Variants in NCOA4 observed in about 807,000 individuals in gnomAD.
NCOA4 encodes 70 kDa AR-activator.
Under a neutral mutation model 69.5 loss-of-function variants are expected in NCOA4, and 31 were observed. The ratio of observed to expected loss-of-function variants is 0.45; its 90% CI spans 0.34 to 0.60. The LOEUF (loss-of-function observed/expected upper bound fraction) is 0.60. NCOA4 is among the 20% of genes least tolerant of loss of function. The pLI, the probability that NCOA4 is intolerant of heterozygous loss-of-function variation, is 0.02. For synonymous variants in NCOA4, 228 were observed against 252.4 expected, an observed-to-expected ratio of 0.90 and a Z score of 0.92; for missense variants, 600 against 719.2, an observed-to-expected ratio of 0.83 and a Z score of 1.90.
In NCOA4 at chr10:46,006,507, A is replaced by G. The variant is rs1838816919; in HGVS notation, c.*85T>C. ...ACTAAGCTAATTGGTCAGACCCAGA[A>G]ACACAAAGATTTGGCAAGCTGCAGT... On this transcript the variant is annotated 3_prime_UTR_variant, in exon 10 of 10. Coordinates refer to ENST00000581486, the MANE Select transcript of NCOA4 (RefSeq NM_001145263.2). The G allele has an allele frequency of 7.2e-6, 11 of 1,518,120 alleles. No individual in the cohort carries two copies. In the South Asian group the frequency reaches 1.2e-4, roughly 17 times the overall value. 94.0% of individuals were successfully genotyped at this position (1,518,120 alleles called of 1,614,324 possible). A position where few individuals can be genotyped will look rare whatever the true frequency, so the allele number is the denominator to read the frequency against.
intron 7 of NCOA4, among the ~76,000 whole-genome samples, chr10:46,011,999 T>G (rs1554921749): frequency 7.5e-6 from 1 of 132,932 alleles, no homozygotes; most frequent in African/African-American, 2.9e-5. Flanking sequence ...GGACGGAGCT[T>G]GCAGTGAGCC....
Position 46,012,070 on chromosome 10 carries a change from GAAAAAAAAAAAAAAAAA to G in NCOA4, c.714+796_714+812del, listed in dbSNP as rs71026286. Among the ~76,000 whole-genome samples the G allele has an allele frequency of 8.5e-3, 377 of 44,554 alleles. 1 individual carries two copies. The highest frequency in any genetic ancestry group is 0.027 in the African/African-American group (345 of 12,990). 29.2% of individuals were successfully genotyped at this position (44,554 alleles called of 152,430 possible). A position where few individuals can be genotyped will look rare whatever the true frequency, so the allele number is the denominator to read the frequency against. On this transcript the variant is annotated intron_variant, in intron 7 of 9. Transcript: ENST00000581486. Reference sequence around the variant, plus strand: ...AGCAAGACTCGGTCTCAAAAAGAAAGAAAAAAAAAAAAAAAAAAAAAAAAAAAAAAAAACGAAAAAAG... The same window carrying G: ...AGCAAGACTCGGTCTCAAAAAGAAAGAAAAAAAAAAAAAAAACGAAAAAAG...
intron 1 of NCOA4, among the ~76,000 whole-genome samples, chr10:46,023,745 C>T (rs1348431025): frequency 6.6e-6 from 1 of 152,236 alleles, no homozygotes; most frequent in African/African-American, 2.4e-5. Context: ...TATATATGAA[C>T]TATAATGAAT....
At chr10:46,016,488 T>C in intron 2 of NCOA4, 52 bp downstream of exon 2, 1 of 1,367,076 alleles carries the variant, frequency 7.3e-7, no homozygotes, top group East Asian at 2.6e-5. Context: ...CATGCTCAAA[T>C]CAGCCCTGTG....
intron 1 of NCOA4, among the ~76,000 whole-genome samples, chr10:46,028,311 C>T (rs1385812030): frequency 6.6e-6 from 1 of 152,126 alleles, no homozygotes; most frequent in Admixed American, 6.5e-5. Context: ...ACGTAGCAAC[C>T]ATTTATTTTC....
rs1839154847 is a variant in NCOA4 at position 46,010,702 on chromosome 10, T to G, written c.1219A>C (p.Asn407His). 6.2e-7 allele frequency: 1 copy of G among 1,613,954 alleles called. No individual in the cohort carries two copies. The highest frequency in any genetic ancestry group is 1.7e-5 in the Admixed American group (1 of 59,994). Residue 407 changes from asparagine to histidine, a missense_variant, in exon 8 of 10, where the codon AAT becomes CAT. By Grantham distance (68) the Asn-to-His change is moderately conservative. Transcript: ENST00000581486. ...TCTGCAAAGCTTGTGCAGGGCTCAT[T>G]GGCTCTGCACACCTCCTCTACCTTA... Reference protein sequence around the residue: ...PCKVEEVCRANEPCTSFAECV... With the variant: ...PCKVEEVCRAHEPCTSFAECV...
chr10:46,005,890 T>C lies in NCOA4; in HGVS notation c.*702A>G, dbSNP rs1287013414. The C allele has an allele frequency of 4.8e-6, 1 of 207,626 alleles. No individual in the cohort carries two copies. The highest frequency in any genetic ancestry group is 9.8e-6 in the Non-Finnish European group (1 of 101,844). The allele number at this position is 207,626 out of a possible 1,614,324, so 12.9% of individuals were successfully genotyped here. On this transcript the variant is annotated 3_prime_UTR_variant, in exon 10 of 10. Transcript: ENST00000581486. Reference sequence around the variant, plus strand: ...TAAAAGGCTAGAATTACCTCAAAAATAGTCTTGAAATAATACTGAGTCCTT... The same window carrying C: ...TAAAAGGCTAGAATTACCTCAAAAACAGTCTTGAAATAATACTGAGTCCTT...
intron 7 of NCOA4, 75 bp from the exon 8 acceptor site, chr10:46,011,281 T>C: frequency 6.9e-7 from 1 of 1,439,114 alleles, no homozygotes; most frequent in South Asian, 1.4e-5. Flanking sequence ...GCACTTTTTC[T>C]TTTTTTGAGA....
chr10:46,027,268 C>CAAAAAAAAAAAAAAAAAAAAAAAAAAA (rs34282889), intron 1 of NCOA4, among the ~76,000 whole-genome samples: 1 of 79,708 alleles, frequency 1.3e-5, no homozygotes, highest in Non-Finnish European at 2.5e-5. Context: ...GACTCCGTCT[C>CAAAAAAAAAAAAAAAAAAAAAAAAAAA]AAAAAAAAAA....
chr10:46,029,318 A>G (rs1840331125), intron 1 of NCOA4, among the ~76,000 whole-genome samples: 1 of 152,246 alleles, frequency 6.6e-6, no homozygotes, highest in Non-Finnish European at 1.5e-5. Flanking sequence ...TGGACTTTAC[A>G]TACATAATCT....
In NCOA4 at chr10:46,010,261, A is replaced by C; in HGVS notation, c.1660T>G (p.Ser554Ala). 2 of 1,612,890 alleles carry C rather than the reference A, an allele frequency of 1.2e-6. No homozygotes were observed. The highest frequency in any genetic ancestry group is 1.7e-6 in the Non-Finnish European group (2 of 1,179,620). The change falls in exon 8 of 10, where the codon TCT (serine) becomes GCT (alanine). Residue 554 changes from serine to alanine, a missense_variant. Physicochemically the swap from Ser to Ala is moderately conservative, Grantham distance 99 (BLOSUM62 1). Transcript: ENST00000581486. ...KKMGNLSQLS[S>A]GEDKWLLRKK... ...CGAAGCAGCCACTTGTCTTCTCCAG[A>C]AGATAACTGGCTGAGGTTGCCCATC... is the stretch of plus-strand genomic sequence containing the variant.
rs1554922889 is a variant in NCOA4 at position 46,015,196 on chromosome 10, T to C, written c.212A>G (p.Tyr71Cys). The change falls in exon 3 of 10, where the codon TAT becomes TGT. Residue 71 changes from tyrosine (Y) to cysteine (C), a missense_variant. Transcript: ENST00000581486. Reference sequence around the variant, plus strand: ...CTGATAAATAAGGTCCACCTGTTCATACAGCCATACCTCACGGCTTCTAAG... The same window carrying C: ...CTGATAAATAAGGTCCACCTGTTCACACAGCCATACCTCACGGCTTCTAAG... The part of the protein sequence containing the change: ...ECLRSREVWL[Y>C]EQVDLIYQLK... The C allele has an allele frequency of 2.5e-6, 4 of 1,614,132 alleles. No homozygotes were observed. The highest frequency in any genetic ancestry group is 1.7e-4 in the Middle Eastern group (1 of 6,060).
intron 1 of NCOA4, among the ~76,000 whole-genome samples, chr10:46,023,052 A>T (rs1223946938): frequency 6.6e-6 from 1 of 152,244 alleles, no homozygotes; most frequent in African/African-American, 2.4e-5. Flanking sequence ...ATCCCAGCAC[A>T]TCAATTTTCT....
intron 1 of NCOA4, among the ~76,000 whole-genome samples, chr10:46,017,703 G>C (rs1369314114): frequency 6.6e-6 from 1 of 152,166 alleles, no homozygotes; most frequent in Non-Finnish European, 1.5e-5. Flanking sequence ...CACAGAAATT[G>C]GTGTGGGTAA....
At chr10:46,020,280 C>T (rs553628054) in intron 1 of NCOA4, among the ~76,000 whole-genome samples, 1 of 152,304 alleles carries the variant, frequency 6.6e-6, no homozygotes, top group East Asian at 1.9e-4. Context: ...GCTGTGTCTC[C>T]AAGCTTGAGA....
intron 1 of NCOA4, among the ~76,000 whole-genome samples, chr10:46,020,540 C>T (rs533605933): frequency 6.6e-6 from 1 of 152,304 alleles, no homozygotes; most frequent in South Asian, 2.1e-4. Flanking sequence ...TGACCTTGCA[C>T]CATTTGCCCT....
intron 9 of NCOA4, among the ~76,000 whole-genome samples, chr10:46,007,008 T>C (rs1304009594): frequency 6.6e-6 from 1 of 152,220 alleles, no homozygotes. Context: ...CACGAGAGGC[T>C]GAAAGCTGGG....
chr10:46,022,958 C>T (rs1047466221), intron 1 of NCOA4, among the ~76,000 whole-genome samples: 1 of 152,246 alleles, frequency 6.6e-6, no homozygotes, highest in East Asian at 1.9e-4. Flanking sequence ...AATAAATTCA[C>T]TATTGAACAT....
intron 1 of NCOA4, among the ~76,000 whole-genome samples, chr10:46,020,050 C>T (rs1213781043): frequency 1.3e-5 from 2 of 152,172 alleles, no homozygotes; most frequent in Admixed American, 6.5e-5. Context: ...AAGAGGAAGC[C>T]TTCAGAGCGG....
Sources: allele counts gnomAD v4.1 joint callset (sites outside exome capture counted in the v4.1 genomes callset), GRCh38; gene constraint gnomAD v4.1.1; transcripts MANE v1.5; gene names NCBI Gene and HGNC (gene_info 2026-07-23, HGNC 2026-07-21).